The following HLCS variants were observed in gnomAD, a reference collection of about 807,000 sequenced individuals.
HLCS encodes the protein biotin--protein ligase.
HLCS carries 53 observed loss-of-function variants against 75.0 expected under a neutral mutation model. The observed-to-expected ratio is 0.71, with a 90% CI of 0.57 to 0.89. The LOEUF (loss-of-function observed/expected upper bound fraction) is 0.89. Among genes scored for constraint, HLCS ranks in the 40% least tolerant of loss-of-function variants. The pLI, the probability that HLCS is intolerant of heterozygous loss-of-function variation, is 0.00. For missense variants in HLCS, 966 were observed against 1,074.0 expected (o/e 0.90, Z 1.41); for synonymous variants, 431 against 428.6 (o/e 1.01, Z -0.07).
At chr21:36,966,328 T>C (rs895550887) in intron 1 of HLCS, 116 bp downstream of exon 1, 23 of 382,794 alleles carry the variant, frequency 6.0e-5, no homozygotes, top group African/African-American at 5.1e-4. Flanking sequence ...CAGGCCGCAC[T>C]GAGGGCGCCA....
intron 6 of HLCS, among the ~76,000 whole-genome samples, chr21:36,812,118 C>T (rs1000575336): frequency 2.6e-4 from 39 of 152,296 alleles, no homozygotes; most frequent in African/African-American, 9.1e-4. Flanking sequence ...GCCTCACAAA[C>T]ATGAGGAAGC....
intron 3 of HLCS, among the ~76,000 whole-genome samples, chr21:36,938,212 T>C (rs2066982470): frequency 6.6e-6 from 1 of 152,246 alleles, no homozygotes; most frequent in Admixed American, 6.5e-5. Flanking sequence ...ATCAGAACTG[T>C]AGTCTAGACA....
chr21:36,961,419 G>A (rs1006546015), intron 2 of HLCS, among the ~76,000 whole-genome samples: 1 of 152,132 alleles, frequency 6.6e-6, no homozygotes, highest in African/African-American at 2.4e-5. Flanking sequence ...ATTTTGGGAG[G>A]CTGAGGAGGT....
chr21:36,932,353 A>C (rs1027049579), intron 4 of HLCS, among the ~76,000 whole-genome samples: 1 of 152,188 alleles, frequency 6.6e-6, no homozygotes, highest in Non-Finnish European at 1.5e-5. Flanking sequence ...TTAAGGGTGC[A>C]GTTTCCAAGA....
At chr21:36,920,954 T>C (rs2066138616) in intron 5 of HLCS, among the ~76,000 whole-genome samples, 3 of 152,206 alleles carry the variant, frequency 2.0e-5, no homozygotes, top group Admixed American at 6.5e-5. Flanking sequence ...ATGAAACTAC[T>C]GTTTGATGTT....
At chr21:36,873,732 T>C (rs1423426658) in intron 6 of HLCS, among the ~76,000 whole-genome samples, 2 of 152,174 alleles carry the variant, frequency 1.3e-5, no homozygotes, top group African/African-American at 4.8e-5. Flanking sequence ...CCTGGGCAAC[T>C]GGGACCACAG....
intron 6 of HLCS, among the ~76,000 whole-genome samples, chr21:36,879,177 AAC>A (rs2064108513): frequency 1.1e-4 from 2 of 18,082 alleles, no homozygotes; most frequent in East Asian, 3.4e-3. Context: ...TATTGTAAAC[AAC>A]AGTTATTAAC....
chr21:36,804,356 CG>C (rs1176919059), intron 6 of HLCS: 1 of 152,244 alleles, frequency 6.6e-6, no homozygotes, highest in Non-Finnish European at 1.5e-5. Flanking sequence ...GAAGGAATTT[CG>C]AGCCACTGTG....
At position 36,768,351 on chromosome 21, in the gene HLCS, C is replaced by T. The variant is rs140416235; in HGVS notation, c.1893-1066G>A. ...AGTGGTCCTGCTGAGGACAAAGGAG[C>T]GCTAGAGAAAGACCACGCTGAGAAG... On this transcript the variant is annotated intron_variant, in intron 6 of 10. Transcript: ENST00000674895. 3.6e-3 allele frequency among the ~76,000 whole-genome samples: 555 copies of T among 152,272 alleles called. 1 individual carries two copies. Among genetic ancestry groups the T allele is most frequent in the African/African-American group, 0.013 (536 of 41,552 alleles).
At chr21:36,945,513 G>A (rs1289983059) in intron 2 of HLCS, among the ~76,000 whole-genome samples, 2 of 152,176 alleles carry the variant, frequency 1.3e-5, no homozygotes, top group African/African-American at 2.4e-5. Flanking sequence ...ATGTTACAAC[G>A]TGGACGAATC....
intron 6 of HLCS, among the ~76,000 whole-genome samples, chr21:36,849,728 C>T (rs759181763): frequency 2.8e-4 from 42 of 152,256 alleles, no homozygotes; most frequent in Non-Finnish European, 5.3e-4. Flanking sequence ...ATTCTCTGAC[C>T]TTCCCCTCGG....
intron 6 of HLCS, among the ~76,000 whole-genome samples, chr21:36,820,104 G>A (rs1413199033): frequency 6.6e-6 from 1 of 152,220 alleles, no homozygotes; most frequent in African/African-American, 2.4e-5. Context: ...TCAGTGAGAA[G>A]GTGGGTCCTT....
intron 6 of HLCS, among the ~76,000 whole-genome samples, chr21:36,834,721 A>T (rs2062346098): frequency 1.3e-5 from 2 of 152,086 alleles, no homozygotes. Context: ...ATGCCCAGCT[A>T]ATTTTTGTAT....
chr21:36,936,337 C>T lies in HLCS; in HGVS notation c.1437+112G>A, dbSNP rs1029655213. On this transcript the variant is annotated intron_variant, in intron 4 of 10. Transcript: ENST00000674895. ...TCCCAGCCAATAGTCAAAAACAGCC[C>T]GCAGCACACGAACTCCTGAAACTTT... 54 of 965,104 alleles carry T rather than the reference C, an allele frequency of 5.6e-5. No homozygotes were observed. The African/African-American group carries it at 6.7e-4, about 12-fold the overall frequency. The allele number at this position is 965,104 out of a possible 1,614,324, so 59.8% of individuals were successfully genotyped here.
chr21:36,915,209 C>T (rs920002364), intron 5 of HLCS, among the ~76,000 whole-genome samples: 3 of 152,228 alleles, frequency 2.0e-5, no homozygotes, highest in African/African-American at 7.2e-5. Flanking sequence ...AGAGGCACTC[C>T]CTGGGCTGAC....
intron 1 of HLCS, among the ~76,000 whole-genome samples, chr21:36,989,779 G>C (rs1250798120): frequency 6.6e-6 from 1 of 152,124 alleles, no homozygotes; most frequent in Non-Finnish European, 1.5e-5. Context: ...CCCCTAACAT[G>C]GGCGCGGGGC....
At chr21:36,859,188 A>G (rs977183875) in intron 6 of HLCS, among the ~76,000 whole-genome samples, 1 of 151,998 alleles carries the variant, frequency 6.6e-6, no homozygotes, top group Non-Finnish European at 1.5e-5. Flanking sequence ...AAGCCCAGCT[A>G]ATTGTTGTAT....
intron 10 of HLCS, among the ~76,000 whole-genome samples, chr21:36,756,288 A>C (rs1454773131): frequency 6.6e-6 from 1 of 151,770 alleles, no homozygotes; most frequent in Non-Finnish European, 1.5e-5. Context: ...AATACAAAAA[A>C]TTAGCCGGGT....
chr21:36,967,722 TTTTG>T (rs1010159391), upstream of HLCS, among the ~76,000 whole-genome samples: 10 of 152,266 alleles, frequency 6.6e-5, no homozygotes, highest in South Asian at 6.2e-4. Flanking sequence ...TAAGGATAGT[TTTTG>T]TTTGTTTGTT....
Sources: allele counts gnomAD v4.1 joint callset (sites outside exome capture counted in the v4.1 genomes callset), GRCh38; gene constraint gnomAD v4.1.1; transcripts MANE v1.5; gene names NCBI Gene and HGNC (gene_info 2026-07-23, HGNC 2026-07-21).